FREM1: variants seen among roughly 807,000 people sequenced by gnomAD.
The protein encoded by FREM1 is FRAS1-related extracellular matrix protein 1.
Under a neutral mutation model 210.1 loss-of-function variants are expected in FREM1, and 220 were observed. The observed-to-expected ratio is 1.05, with a 90% confidence interval of 0.94 to 1.17. FREM1 has a LOEUF of 1.17. Among genes scored for constraint, FREM1 ranks in the 50% most tolerant of loss-of-function variants. The pLI is 0.00. For missense variants in FREM1, 3,454 were observed against 2,675.5 expected (o/e 1.29, Z -6.42); for synonymous variants, 1,189 against 980.2 (o/e 1.21, Z -3.98).
intron 5 of FREM1, among the ~76,000 whole-genome samples, chr9:14,852,190 C>G (rs1827873589): frequency 6.6e-6 from 1 of 152,142 alleles, no homozygotes; most frequent in Non-Finnish European, 1.5e-5. Flanking sequence ...GGTTCTCATG[C>G]AAATGAAGAA....
chr9:14,798,045 G>T (rs1251544548), intron 20 of FREM1, among the ~76,000 whole-genome samples: 1 of 151,606 alleles, frequency 6.6e-6, no homozygotes, highest in East Asian at 1.9e-4. Flanking sequence ...CAATGTAACT[G>T]TTTTTTTTAA....
At chr9:14,866,016 A>T (rs1272799863) in intron 2 of FREM1, among the ~76,000 whole-genome samples, 1 of 152,284 alleles carries the variant, frequency 6.6e-6, no homozygotes, top group East Asian at 1.9e-4. Context: ...TCCCATACCG[A>T]CTTTAGAGGC....
In FREM1 at chr9:14,770,808, T is replaced by C. The variant is rs1563883309; in HGVS notation, c.4858-2A>G. On this transcript the variant is annotated splice_acceptor_variant, in intron 25 of 36. Coordinates refer to ENST00000380880, the MANE Select transcript of FREM1 (RefSeq NM_001379081.2). LOFTEE classifies it high-confidence loss of function. ...AGCTGTTTTGTCCAATTGGTCTACC[T>C]GGATCATCAACAATGACATAAAATG... 2.5e-6 allele frequency: 4 copies of C among 1,607,642 alleles called. No homozygotes were observed. Among genetic ancestry groups the C allele is most frequent in the South Asian group, 1.1e-5 (1 of 90,302 alleles).
In FREM1 at chr9:14,863,832, G is replaced by T; in HGVS notation, c.306C>A (p.Asp102Glu). Residue 102 changes from aspartate (D) to glutamate (E), a missense_variant, in exon 3 of 37, where the codon GAC becomes GAA. Transcript: ENST00000380880. ...VHNGCPILDE[D>E]TVKLRLYRFT... ...ACCTGTAAAGTCTGAGCTTCACTGT[G>T]TCTTCATCAAGAATTGGACAACCAT... The T allele has an allele frequency of 6.2e-7, 1 of 1,612,242 alleles. No individual in the cohort carries two copies. Among genetic ancestry groups the T allele is most frequent in the Non-Finnish European group, 8.5e-7 (1 of 1,178,384 alleles).
rs1842639360 is a variant in FREM1 at position 14,747,273 on chromosome 9, G to T, written c.6000C>A (p.Phe2000Leu). The change falls in exon 33 of 37, where the codon TTC (phenylalanine) becomes TTA (leucine). Residue 2000 changes from phenylalanine to leucine, a missense_variant. By Grantham distance (22) the Phe-to-Leu change is conservative. Transcript: ENST00000380880. ...DKVESTTDSH[F>L]PRQDQLPSFP... ...ACAAAGATTTTCATACCTGTCTGGG[G>T]AAGTGTGAGTCAGTTGTGGATTCCA... 6.2e-7 allele frequency: 1 copy of T among 1,612,194 alleles called. No homozygotes were observed. Among genetic ancestry groups the T allele is most frequent in the South Asian group, 1.1e-5 (1 of 90,612 alleles).
intron 24 of FREM1, chr9:14,779,572 C>T (rs894324252): frequency 1.3e-6 from 1 of 764,590 alleles, no homozygotes; most frequent in Non-Finnish European, 1.6e-6. Context: ...CAAAGCTCAT[C>T]TCAGGACGGC....
At chr9:14,841,326 A>C (rs1413665589) in intron 10 of FREM1, 121 bp downstream of exon 10, 19 of 769,162 alleles carry the variant, frequency 2.5e-5, no homozygotes, top group Non-Finnish European at 3.7e-5. Flanking sequence ...AATTTTGTTT[A>C]ATCGATTGTT....
chr9:14,839,291 A>T (rs1400681797), intron 10 of FREM1, among the ~76,000 whole-genome samples: 1 of 152,212 alleles, frequency 6.6e-6, no homozygotes. Flanking sequence ...GGATGACTTC[A>T]GAGATTCCAG....
chr9:14,822,801 G>T (rs201226154), intron 13 of FREM1, among the ~76,000 whole-genome samples: 1 of 152,186 alleles, frequency 6.6e-6, no homozygotes, highest in Non-Finnish European at 1.5e-5. Flanking sequence ...TAGTTGGGCT[G>T]CAGTGAGGGT....
Position 14,841,465 on chromosome 9 carries a change from T to C in FREM1, c.1863A>G (p.Pro621=). 1 of 1,607,540 alleles carries C rather than the reference T, an allele frequency of 6.2e-7. No homozygotes were observed. Among genetic ancestry groups the C allele is most frequent in the Non-Finnish European group, 8.5e-7 (1 of 1,175,656 alleles). ...CTCTTACCTGTGGCACTGAAAGATT[T>C]GGAGGTTCATGGCTGTCCCACAGGA... is the stretch of plus-strand genomic sequence containing the variant. The part of the protein sequence containing the change: ...QFVLWDSHEP[P]NLSVPQVATI... Residue 621 remains proline, a synonymous_variant, in exon 10 of 37, where the codon CCA becomes CCG. Coordinates refer to ENST00000380880, the MANE Select transcript of FREM1 (RefSeq NM_001379081.2).
intron 16 of FREM1, 81 bp downstream of exon 16, chr9:14,812,727 CTGTT>C (rs1183908336): frequency 2.4e-5 from 33 of 1,364,086 alleles, no homozygotes; most frequent in Middle Eastern, 2.7e-4. Context: ...ACCATTCTGA[CTGTT>C]TGATTATGGG....
chr9:14,776,095 C>A lies in FREM1; in HGVS notation c.4551G>T (p.Leu1517=). 4.3e-6 allele frequency: 7 copies of A among 1,609,584 alleles called. No homozygotes were observed. The highest frequency in any genetic ancestry group is 5.9e-6 in the Non-Finnish European group (7 of 1,176,954). ...AAAGCAGGCCCACGGCCCCTTGGGC[C>A]AGTCTCAACCCCTTGTTCCTGGTTA... The part of the protein sequence containing the change: ...PVVTRNKGLR[L]AQGAVGLLSP... Residue 1517 remains leucine, a synonymous_variant, in exon 25 of 37, where the codon CTG becomes CTT. Coordinates refer to ENST00000380880, the MANE Select transcript of FREM1 (RefSeq NM_001379081.2).
At chr9:14,811,854 C>G (rs1171321950) in intron 16 of FREM1, among the ~76,000 whole-genome samples, 1 of 151,964 alleles carries the variant, frequency 6.6e-6, no homozygotes, top group South Asian at 2.1e-4. Flanking sequence ...TTTCCTATAC[C>G]ACTCACCTGG....
At position 14,876,461 on chromosome 9, in the gene FREM1, T is replaced by C. The variant is rs7854128; in HGVS notation, c.-267-7217A>G. Among the ~76,000 whole-genome samples the C allele has an allele frequency of 5.0e-3, 762 of 152,270 alleles. 4 individuals are homozygous for C. The highest frequency in any genetic ancestry group is 0.018 in the African/African-American group (738 of 41,562). ...TGTGCTAGCAATCAGTGAGACTCCG[T>C]GGGCGTAGGACCCTCTGAGCCAGGT... On this transcript the variant is annotated intron_variant, in intron 1 of 36. Coordinates refer to ENST00000380880, the MANE Select transcript of FREM1 (RefSeq NM_001379081.2).
chr9:14,897,775 G>C (rs575236990), intron 1 of FREM1, among the ~76,000 whole-genome samples: 2 of 152,004 alleles, frequency 1.3e-5, no homozygotes, highest in East Asian at 1.9e-4. Flanking sequence ...AAATTTTTTT[G>C]TAGAAACAGG....
chr9:14,827,029 G>A (rs1182528028), intron 10 of FREM1, among the ~76,000 whole-genome samples: 1 of 152,214 alleles, frequency 6.6e-6, no homozygotes, highest in Admixed American at 6.5e-5. Context: ...TGAAATACCT[G>A]AAAATGTGGA....
Position 14,824,043 on chromosome 9 carries a change from C to A in FREM1, c.2151G>T (p.Glu717Asp). The A allele has an allele frequency of 6.3e-7, 1 of 1,593,132 alleles. No homozygotes were observed. The highest frequency in any genetic ancestry group is 8.6e-7 in the Non-Finnish European group (1 of 1,168,214). ...PKVVKNPTAL[E>D]LRSFTQHAVN... ...CTCATACCTGAGTGAATGACCTCAG[C>A]TCCAGGGCCGTAGGATTCTTAACTA... Residue 717 changes from glutamate to aspartate, a missense_variant, in exon 12 of 37, where the codon GAG becomes GAT. By Grantham distance (45) the Glu-to-Asp change is conservative (BLOSUM62 2). Coordinates refer to ENST00000380880, the MANE Select transcript of FREM1 (RefSeq NM_001379081.2).
At chr9:14,831,615 T>G (rs1269547353) in intron 10 of FREM1, among the ~76,000 whole-genome samples, 1 of 152,210 alleles carries the variant, frequency 6.6e-6, no homozygotes, top group Non-Finnish European at 1.5e-5. Flanking sequence ...CCAGAACCAT[T>G]TTTCTATGGG....
chr9:14,742,223 T>C (rs1049600201), intron 35 of FREM1, among the ~76,000 whole-genome samples: 51 of 152,186 alleles, frequency 3.4e-4, no homozygotes, highest in African/African-American at 1.2e-3. Flanking sequence ...CTTTAATTTT[T>C]CTGGCTATAG....
Sources: gnomAD v4.1 joint callset for allele counts (sites outside exome capture counted in the v4.1 genomes callset) on GRCh38, gnomAD v4.1.1 for gene constraint, MANE v1.5 for transcripts, NCBI Gene and HGNC (gene_info 2026-07-23, HGNC 2026-07-21) for gene names.